CENPC: variants seen among roughly 807,000 people sequenced by gnomAD.
CENPC encodes CENP-C 1.
Under a neutral mutation model 112.1 loss-of-function variants are expected in CENPC, and 63 were observed. That is an observed-to-expected ratio of 0.56 (90% confidence interval 0.46 to 0.69). The LOEUF (loss-of-function observed/expected upper bound fraction) is 0.69, where lower values mean the gene tolerates loss of function less well. Ranked by LOEUF, CENPC falls within the 30% of genes least tolerant of loss-of-function variation. CENPC has a pLI of 0.00. For synonymous variants in CENPC, 333 were observed against 367.6 expected (o/e 0.91, Z 1.08); for missense variants, 1,000 against 1,103.8 (o/e 0.91, Z 1.33).
chr4:67,483,432 A>T (rs1477018529), intron 17 of CENPC, among the ~76,000 whole-genome samples: 2 of 152,184 alleles, frequency 1.3e-5, no homozygotes, highest in Non-Finnish European at 2.9e-5. Context: ...AATAAAATAT[A>T]ACACAATTTT....
chr4:67,506,692 G>C, intron 11 of CENPC, 96 bp downstream of exon 11: 1 of 1,015,302 alleles, frequency 9.8e-7, no homozygotes, highest in Non-Finnish European at 1.3e-6. Context: ...GTGTTTTTAA[G>C]CTTTTAACAA....
At position 67,471,453 on chromosome 4, in the gene CENPC, A is replaced by T. The variant is rs541249508; in HGVS notation, c.*1152T>A. 1.3e-5 allele frequency: 2 copies of T among 152,330 alleles called. No homozygotes were observed. The highest frequency in any genetic ancestry group is 2.4e-5 in the African/African-American group (1 of 41,584). 9.4% of individuals were successfully genotyped at this position (152,330 alleles called of 1,614,324 possible). A position where few individuals can be genotyped will look rare whatever the true frequency, so the allele number is the denominator to read the frequency against. The stretch of plus-strand genomic sequence containing the variant: ...TAAAGGAAAAAAAGCATTCAGTGAA[A>T]ACTAAATCTGTATGGGCCCAGATAC... On this transcript the variant is annotated 3_prime_UTR_variant, in exon 19 of 19. Coordinates refer to ENST00000273853, the MANE Select transcript of CENPC (RefSeq NM_001812.4).
chr4:67,502,229 T>C (rs1725610004), intron 12 of CENPC, among the ~76,000 whole-genome samples: 1 of 152,148 alleles, frequency 6.6e-6, no homozygotes, highest in Non-Finnish European at 1.5e-5. Flanking sequence ...TATGTGAGAA[T>C]GTCTACCAAC....
At chr4:67,519,581 A>C in intron 5 of CENPC, 79 bp from the exon 6 acceptor site, 2 of 946,634 alleles carry the variant, frequency 2.1e-6, no homozygotes, top group Non-Finnish European at 3.0e-6. Context: ...AAAATTCTGC[A>C]ATAATTTAAT....
intron 12 of CENPC, among the ~76,000 whole-genome samples, chr4:67,499,821 G>C (rs1329382058): frequency 6.6e-6 from 1 of 152,008 alleles, no homozygotes; most frequent in Non-Finnish European, 1.5e-5. Flanking sequence ...ATCATTTCTA[G>C]CTTTTGATTT....
chr4:67,521,753 A>T (rs976575875), intron 5 of CENPC, among the ~76,000 whole-genome samples: 2 of 152,222 alleles, frequency 1.3e-5, no homozygotes, highest in Non-Finnish European at 2.9e-5. Flanking sequence ...ATTAATAGAT[A>T]AAAAGTGGTA....
At chr4:67,540,043 GACC>G in intron 3 of CENPC, 109 bp from the exon 4 acceptor site, 2 of 537,588 alleles carry the variant, frequency 3.7e-6, no homozygotes, top group Non-Finnish European at 6.4e-6. Context: ...TTGACTCACT[GACC>G]ACAATTAGCT....
chr4:67,523,349 G>C (rs1305357548), intron 5 of CENPC, among the ~76,000 whole-genome samples: 1 of 152,118 alleles, frequency 6.6e-6, no homozygotes, highest in Admixed American at 6.6e-5. Flanking sequence ...AAGACTGAAG[G>C]CAAAAGAAAC....
At chr4:67,523,891 G>C (rs1270491568) in intron 5 of CENPC, among the ~76,000 whole-genome samples, 1 of 151,996 alleles carries the variant, frequency 6.6e-6, no homozygotes, top group Non-Finnish European at 1.5e-5. Context: ...ACAAAAATGG[G>C]CCATGTCAAA....
intron 5 of CENPC, among the ~76,000 whole-genome samples, chr4:67,521,444 T>C (rs1177690170): frequency 6.6e-6 from 1 of 152,158 alleles, no homozygotes; most frequent in Non-Finnish European, 1.5e-5. Flanking sequence ...TAAATTTTCC[T>C]AATAACAGTG....
intron 17 of CENPC, among the ~76,000 whole-genome samples, chr4:67,485,079 C>A (rs559272682): frequency 6.6e-6 from 1 of 152,040 alleles, no homozygotes; most frequent in African/African-American, 2.4e-5. Flanking sequence ...GGTGACAGAG[C>A]GAGACTCCAA....
intron 5 of CENPC, among the ~76,000 whole-genome samples, chr4:67,524,150 A>G (rs1033015920): frequency 6.6e-6 from 1 of 152,080 alleles, no homozygotes; most frequent in African/African-American, 2.4e-5. Context: ...ATCTAACAAA[A>G]TTGACAACTA....
intron 5 of CENPC, among the ~76,000 whole-genome samples, chr4:67,524,919 T>G (rs1473036346): frequency 6.6e-6 from 1 of 152,156 alleles, no homozygotes; most frequent in South Asian, 2.1e-4. Context: ...CTACCTGGCT[T>G]CAAACTATAC....
rs539847938 is a variant in CENPC, at chr4:67,472,805, A to G, written c.2762-130T>C. ...AAAAACAATTCACCTAACCTAAAGTAACTTATTTAATTCCATGAACTACAT... is the reference window on the plus strand; with the variant it reads ...AAAAACAATTCACCTAACCTAAAGTGACTTATTTAATTCCATGAACTACAT... On this transcript the variant is annotated intron_variant, in intron 18 of 18. Coordinates refer to ENST00000273853, the MANE Select transcript of CENPC (RefSeq NM_001812.4). 408 of 1,080,812 alleles carry G rather than the reference A, an allele frequency of 3.8e-4. 5 individuals are homozygous for G. In the South Asian group the frequency reaches 0.013, roughly 34 times the overall value. 67.0% of individuals were successfully genotyped at this position (1,080,812 alleles called of 1,614,324 possible).
intron 4 of CENPC, among the ~76,000 whole-genome samples, chr4:67,532,795 TA>T (rs1263915803): frequency 6.6e-6 from 1 of 152,090 alleles, no homozygotes; most frequent in Non-Finnish European, 1.5e-5. Flanking sequence ...ACACCTAATG[TA>T]AATGACGAGT....
At chr4:67,476,186 G>C (rs1226134230) in intron 17 of CENPC, among the ~76,000 whole-genome samples, 1 of 152,192 alleles carries the variant, frequency 6.6e-6, no homozygotes, top group Non-Finnish European at 1.5e-5. Context: ...CACTCAGATG[G>C]ACAGAACAGC....
At chr4:67,479,585 A>C (rs1431245451) in intron 17 of CENPC, among the ~76,000 whole-genome samples, 5 of 152,264 alleles carry the variant, frequency 3.3e-5, no homozygotes, top group Non-Finnish European at 5.9e-5. Context: ...TGCTAACAGG[A>C]AAGTTAATAG....
intron 4 of CENPC, among the ~76,000 whole-genome samples, chr4:67,536,315 A>G (rs1335197224): frequency 6.6e-6 from 1 of 152,242 alleles, no homozygotes; most frequent in African/African-American, 2.4e-5. Context: ...TGGTAATCAC[A>G]CACATCCCCA....
intron 5 of CENPC, among the ~76,000 whole-genome samples, chr4:67,520,690 A>T (rs1260894861): frequency 6.6e-6 from 1 of 152,122 alleles, no homozygotes. Context: ...TGAACACTTA[A>T]CTATCATTGA....
Sources: allele counts gnomAD v4.1 joint callset (sites outside exome capture counted in the v4.1 genomes callset), GRCh38; gene constraint gnomAD v4.1.1; transcripts MANE v1.5; gene names NCBI Gene and HGNC (gene_info 2026-07-23, HGNC 2026-07-21).